CDC123: variants seen among roughly 807,000 people sequenced by gnomAD.
The protein encoded by CDC123 is cell division cycle 123, also known as translation initiation factor eIF2 assembly protein.
A neutral mutation model predicts 54.4 loss-of-function variants in CDC123; 37 were observed. The observed-to-expected ratio is 0.68, with a 90% CI of 0.52 to 0.89. The LOEUF (loss-of-function observed/expected upper bound fraction) is 0.89. Ranked by LOEUF, CDC123 falls within the 40% of genes least tolerant of loss-of-function variation. The pLI is 0.00. For missense variants in CDC123, 361 were observed against 412.1 expected (o/e 0.88, Z 1.07); for synonymous variants, 144 against 136.8 (o/e 1.05, Z -0.37).
At chr10:12,204,755 G>A (rs976781689) in intron 2 of CDC123, among the ~76,000 whole-genome samples, 1 of 152,062 alleles carries the variant, frequency 6.6e-6, no homozygotes, top group Non-Finnish European at 1.5e-5. Flanking sequence ...ACTTTTGGAG[G>A]CTCAGGTGGG....
chr10:12,196,317 G>A lies in CDC123; in HGVS notation c.72G>A (p.Lys24=). ...WYPFFRGVTI[K]SVILPLPQNV... ...CGTTCTTCCGAGGCGTTACCATCAA[G>A]AGGTGAGATGGGAGGGGGTTCGCCC... The change falls in exon 1 of 13, where the codon AAG becomes AAA. Residue 24 remains lysine, a splice_region_variant and synonymous_variant. Coordinates refer to ENST00000281141, the MANE Select transcript of CDC123 (RefSeq NM_006023.3). 1.2e-6 allele frequency: 2 copies of A among 1,611,390 alleles called. No individual in the cohort carries two copies. The highest frequency in any genetic ancestry group is 1.7e-6 in the Non-Finnish European group (2 of 1,178,500).
At chr10:12,213,528 G>T (rs926481561) in intron 4 of CDC123, among the ~76,000 whole-genome samples, 2 of 151,912 alleles carry the variant, frequency 1.3e-5, no homozygotes, top group African/African-American at 2.4e-5. Context: ...CATGATTCTG[G>T]CTAGACTGGA....
rs1430852347 is a variant in CDC123 at position 12,249,538 on chromosome 10, A to G, written c.847-43A>G. The G allele has an allele frequency of 7.7e-6, 12 of 1,555,174 alleles. No individual in the cohort carries two copies. In the Admixed American group the frequency reaches 2.0e-4, roughly 26 times the overall value. ...TTTTAGTTCACAGAATAGGCCTAAA[A>G]ATAAATGATTGATATTCTTTCTCCT... is the stretch of plus-strand genomic sequence containing the variant. On this transcript the variant is annotated intron_variant, in intron 11 of 12. Transcript: ENST00000281141.
intron 10 of CDC123, among the ~76,000 whole-genome samples, chr10:12,244,024 G>T (rs117290665): frequency 6.6e-6 from 1 of 152,250 alleles, no homozygotes; most frequent in East Asian, 1.9e-4. Flanking sequence ...CCTCTCCTGG[G>T]GCTTGTATAA....
At chr10:12,224,156 CTCCAGTTCCA>C (rs775252326) in intron 6 of CDC123, among the ~76,000 whole-genome samples, 10 of 151,276 alleles carry the variant, frequency 6.6e-5, no homozygotes, top group Non-Finnish European at 1.0e-4. Context: ...GAATAATAGT[CTCCAGTTCCA>C]TCCAGGTTGC....
At chr10:12,242,544 C>T (rs1019085346) in intron 10 of CDC123, among the ~76,000 whole-genome samples, 1 of 152,164 alleles carries the variant, frequency 6.6e-6, no homozygotes, top group African/African-American at 2.4e-5. Context: ...GGCAGGGAGA[C>T]AGTCAGCTGG....
chr10:12,249,534 TA>T (rs1266436572), intron 11 of CDC123, 46 bp from the exon 12 acceptor site: 1 of 1,589,342 alleles, frequency 6.3e-7, no homozygotes, highest in Non-Finnish European at 8.6e-7. Flanking sequence ...AGAATAGGCC[TA>T]AAAATAAATG....
chr10:12,203,785 C>T lies in CDC123; in HGVS notation c.146+5009C>T, dbSNP rs897233532. On this transcript the variant is annotated intron_variant, in intron 2 of 12. Coordinates refer to ENST00000281141, the MANE Select transcript of CDC123 (RefSeq NM_006023.3). ...TAAATAAATGTCTTGAGTTGTGTTG[C>T]GAAAAATGTTTTTGAATAAAAGCAT... Among the ~76,000 whole-genome samples the T allele has an allele frequency of 2.6e-5, 4 of 152,122 alleles. No individual in the cohort carries two copies. In the East Asian group the frequency reaches 7.7e-4, roughly 29 times the overall value.
intron 6 of CDC123, among the ~76,000 whole-genome samples, chr10:12,221,934 A>C (rs1287422154): frequency 6.6e-6 from 1 of 152,188 alleles, no homozygotes; most frequent in Non-Finnish European, 1.5e-5. Flanking sequence ...TCTCGACACA[A>C]GCATGCGTCA....
At chr10:12,199,939 C>T (rs1835417606) in intron 2 of CDC123, among the ~76,000 whole-genome samples, 1 of 151,678 alleles carries the variant, frequency 6.6e-6, no homozygotes, top group Non-Finnish European at 1.5e-5. Context: ...TCTCCTGCCT[C>T]AGCCTCCAAG....
At chr10:12,239,149 C>T (rs1306491633) in intron 10 of CDC123, among the ~76,000 whole-genome samples, 1 of 151,888 alleles carries the variant, frequency 6.6e-6, no homozygotes, top group Non-Finnish European at 1.5e-5. Flanking sequence ...AGTGAGACCC[C>T]ATCCCCTCCT....
At chr10:12,218,068 G>A (rs962529522) in intron 6 of CDC123, among the ~76,000 whole-genome samples, 3 of 152,060 alleles carry the variant, frequency 2.0e-5, no homozygotes, top group Middle Eastern at 3.4e-3. Context: ...TGTAGCCTGG[G>A]CGACAGAGCG....
rs548068814 is a variant in CDC123 at position 12,248,940 on chromosome 10, A to G, written c.847-641A>G. ...GCCTGGCCAACATAGTGAAATCCCT[A>G]TCTCTACTAAAAATACAAAAATTAG... On this transcript the variant is annotated intron_variant, in intron 11 of 12. Coordinates refer to ENST00000281141, the MANE Select transcript of CDC123 (RefSeq NM_006023.3). Among the ~76,000 whole-genome samples, 7 of 151,578 alleles carry G rather than the reference A, an allele frequency of 4.6e-5. No individual in the cohort carries two copies. The South Asian group carries it at 8.3e-4, about 18-fold the overall frequency.
rs774676048 is a variant in CDC123, at chr10:12,237,227, T to C, written c.649T>C (p.Phe217Leu). The change falls in exon 9 of 13, where the codon TTC (phenylalanine) becomes CTC (leucine). Residue 217 changes from phenylalanine to leucine, a missense_variant. Physicochemically the swap from Phe to Leu is conservative, Grantham distance 22 (BLOSUM62 0). Transcript: ENST00000281141. ...EEIRRCIQDF[F>L]KKHIQYKFLD... ...AATTCGCAGATGCATACAAGACTTT[T>C]TCAAGAAACACATACAGTACAAATT... 6.3e-7 allele frequency: 1 copy of C among 1,590,236 alleles called. No individual in the cohort carries two copies. Among genetic ancestry groups the C allele is most frequent in the Non-Finnish European group, 8.5e-7 (1 of 1,171,988 alleles).
chr10:12,211,863 C>T (rs1330260745), intron 4 of CDC123, among the ~76,000 whole-genome samples: 1 of 152,172 alleles, frequency 6.6e-6, no homozygotes. Context: ...AATTCCAGCA[C>T]TTTGGGAGGC....
At chr10:12,217,325 G>T in intron 5 of CDC123, 36 bp from the exon 6 acceptor site, 1 of 1,589,482 alleles carries the variant, frequency 6.3e-7, no homozygotes, top group Middle Eastern at 1.7e-4. Context: ...AGCCAACATG[G>T]AATATGGACT....
At chr10:12,221,270 A>T (rs1425797187) in intron 6 of CDC123, among the ~76,000 whole-genome samples, 1 of 11,038 alleles carries the variant, frequency 9.1e-5, no homozygotes, top group Non-Finnish European at 1.8e-4. Flanking sequence ...TCAGTGGCTC[A>T]CCAAGGTCGC....
At chr10:12,211,206 A>G (rs1029758126) in intron 4 of CDC123, among the ~76,000 whole-genome samples, 30 of 151,056 alleles carry the variant, frequency 2.0e-4, no homozygotes, top group African/African-American at 7.3e-4. Context: ...CAAATGATCT[A>G]TTTCTAAAAA....
chr10:12,206,958 CAAAA>C (rs35906839), intron 2 of CDC123, among the ~76,000 whole-genome samples: 1 of 100,922 alleles, frequency 9.9e-6, no homozygotes. Flanking sequence ...GACTCCATCT[CAAAA>C]AAAAAAAAAA....
Sources: allele counts gnomAD v4.1 joint callset (sites outside exome capture counted in the v4.1 genomes callset), GRCh38; gene constraint gnomAD v4.1.1; transcripts MANE v1.5; gene names NCBI Gene and HGNC (gene_info 2026-07-23, HGNC 2026-07-21).